DEPDC1B: variants seen among roughly 807,000 people sequenced by gnomAD.
DEPDC1B encodes DEP domain-containing protein 1B.
Under a neutral mutation model 66.5 loss-of-function variants are expected in DEPDC1B, and 51 were observed. The observed-to-expected ratio is 0.77, with a 90% CI of 0.61 to 0.97. DEPDC1B has a LOEUF of 0.97. DEPDC1B is among the 50% of genes least tolerant of loss of function. The probability of loss-of-function intolerance (pLI) is 0.00; values close to 1 mark genes in which losing one functional copy is unlikely to be tolerated. For missense variants in DEPDC1B, 552 were observed against 637.1 expected (o/e 0.87, Z 1.44); for synonymous variants, 226 against 223.6 (o/e 1.01, Z -0.10).
chr5:60,636,591 T>C (rs536698343), intron 7 of DEPDC1B, among the ~76,000 whole-genome samples: 4 of 152,312 alleles, frequency 2.6e-5, no homozygotes, highest in Admixed American at 1.3e-4. Context: ...TATGTAGATA[T>C]TTACCTTTTC....
chr5:60,602,227 C>A (rs1379829938), intron 9 of DEPDC1B, among the ~76,000 whole-genome samples: 8 of 132,518 alleles, frequency 6.0e-5, no homozygotes, highest in African/African-American at 2.4e-4. Context: ...TAGGCATGGA[C>A]ATAGACAGCA....
At chr5:60,660,157 G>C (rs185712393) in intron 2 of DEPDC1B, among the ~76,000 whole-genome samples, 1 of 151,986 alleles carries the variant, frequency 6.6e-6, no homozygotes, top group East Asian at 1.9e-4. Flanking sequence ...GAGGAGGAGA[G>C]AGAGAGAGAA....
rs563776701 is a variant in DEPDC1B, at chr5:60,597,863, T to A, written c.1480A>T (p.Ser494Cys). The change falls in exon 11 of 11, where the codon AGT becomes TGT. Residue 494 changes from serine to cysteine, a missense_variant. Ser to Cys is a moderately radical substitution (Grantham distance 112). Coordinates refer to ENST00000265036, the MANE Select transcript of DEPDC1B (RefSeq NM_018369.3). The part of the protein sequence containing the change: ...VYQERFPTPE[S>C]AALLFPEKPK... ...TTTTCAGGAAACAGAAGTGCTGCAC[T>A]TTCTGGTGTAGGAAATCGTTCTTGA... 2 of 1,612,958 alleles carry A rather than the reference T, an allele frequency of 1.2e-6. No individual in the cohort carries two copies. Among genetic ancestry groups the A allele is most frequent in the African/African-American group, 2.7e-5 (2 of 74,986 alleles).
chr5:60,676,161 A>C (rs1754154321), intron 2 of DEPDC1B, among the ~76,000 whole-genome samples: 1 of 150,722 alleles, frequency 6.6e-6, no homozygotes. Context: ...CGATCTCCTG[A>C]CCTCGTGATC....
intron 2 of DEPDC1B, among the ~76,000 whole-genome samples, chr5:60,668,105 G>A (rs1195562146): frequency 1.3e-5 from 1 of 76,198 alleles, no homozygotes; most frequent in Non-Finnish European, 2.3e-5. Flanking sequence ...ATATAAAATG[G>A]ATATTTTATA....
At chr5:60,621,634 G>A (rs1433805107) in intron 7 of DEPDC1B, among the ~76,000 whole-genome samples, 1 of 152,048 alleles carries the variant, frequency 6.6e-6, no homozygotes, top group Non-Finnish European at 1.5e-5. Context: ...GTATACATAT[G>A]TAACAAATCT....
At chr5:60,605,318 C>T (rs1281732348) in intron 8 of DEPDC1B, among the ~76,000 whole-genome samples, 2 of 151,924 alleles carry the variant, frequency 1.3e-5, no homozygotes, top group African/African-American at 2.4e-5. Flanking sequence ...GATCTCATTA[C>T]AAAAAAATGA....
At chr5:60,697,441 T>G (rs12517207) in intron 1 of DEPDC1B, among the ~76,000 whole-genome samples, 1 of 151,854 alleles carries the variant, frequency 6.6e-6, no homozygotes, top group South Asian at 2.1e-4. Flanking sequence ...AAGGGAGAAA[T>G]TGTATGCTGC....
At chr5:60,601,105 C>T (rs969183057) in intron 9 of DEPDC1B, among the ~76,000 whole-genome samples, 2 of 152,214 alleles carry the variant, frequency 1.3e-5, no homozygotes, top group African/African-American at 4.8e-5. Flanking sequence ...TTGTAAGTTT[C>T]CTGGGGCCTC....
chr5:60,654,612 C>T (rs564783978), intron 2 of DEPDC1B, among the ~76,000 whole-genome samples: 2 of 148,720 alleles, frequency 1.3e-5, no homozygotes, highest in East Asian at 4.1e-4. Flanking sequence ...ATTTGGATGC[C>T]TTTATTTCTT....
At chr5:60,682,525 A>T (rs1265274230) in intron 2 of DEPDC1B, among the ~76,000 whole-genome samples, 1 of 152,196 alleles carries the variant, frequency 6.6e-6, no homozygotes, top group Non-Finnish European at 1.5e-5. Context: ...TTAAAAAAAT[A>T]AAAATTAAAA....
chr5:60,699,963 A>G (rs1378952820), intron 1 of DEPDC1B, 83 bp downstream of exon 1: 2 of 1,501,532 alleles, frequency 1.3e-6, no homozygotes, highest in Non-Finnish European at 1.8e-6. Context: ...GCGGAAGCGA[A>G]GACTGACAAG....
At chr5:60,669,704 G>C (rs577823572) in intron 2 of DEPDC1B, among the ~76,000 whole-genome samples, 1 of 152,198 alleles carries the variant, frequency 6.6e-6, no homozygotes, top group African/African-American at 2.4e-5. Context: ...ACCAAACTAA[G>C]GAAGGCTTTA....
chr5:60,671,807 T>C (rs1021897429), intron 2 of DEPDC1B, among the ~76,000 whole-genome samples: 20 of 152,340 alleles, frequency 1.3e-4, no homozygotes, highest in Admixed American at 9.1e-4. Context: ...TATTTATGTG[T>C]AATGAATTCA....
intron 7 of DEPDC1B, among the ~76,000 whole-genome samples, chr5:60,626,953 A>C (rs1752820151): frequency 6.6e-6 from 1 of 152,102 alleles, no homozygotes; most frequent in Non-Finnish European, 1.5e-5. Flanking sequence ...GATACATGGG[A>C]AAAGGGCTGA....
intron 2 of DEPDC1B, among the ~76,000 whole-genome samples, chr5:60,670,419 G>A (rs1754008954): frequency 6.6e-6 from 1 of 151,914 alleles, no homozygotes; most frequent in African/African-American, 2.4e-5. Flanking sequence ...TATATACTCA[G>A]GAAAGCTACA....
intron 2 of DEPDC1B, among the ~76,000 whole-genome samples, chr5:60,652,328 C>T (rs776909773): frequency 2.7e-5 from 4 of 149,026 alleles, no homozygotes; most frequent in Admixed American, 6.7e-5. Context: ...CAGCCAAAAC[C>T]GGTCTGGAGA....
At chr5:60,673,014 T>C (rs1482041010) in intron 2 of DEPDC1B, among the ~76,000 whole-genome samples, 9 of 152,170 alleles carry the variant, frequency 5.9e-5, no homozygotes, top group Non-Finnish European at 1.3e-4. Context: ...ATGCTGGGTG[T>C]TGAGGACACA....
At chr5:60,659,523 C>T (rs1479295913) in intron 2 of DEPDC1B, among the ~76,000 whole-genome samples, 3 of 152,206 alleles carry the variant, frequency 2.0e-5, no homozygotes, top group African/African-American at 7.2e-5. Flanking sequence ...GAACCAGCTT[C>T]CACTTTCACA....
Sources: gnomAD v4.1 joint callset for allele counts (sites outside exome capture counted in the v4.1 genomes callset) on GRCh38, gnomAD v4.1.1 for gene constraint, MANE v1.5 for transcripts, NCBI Gene and HGNC (gene_info 2026-07-23, HGNC 2026-07-21) for gene names.